Variants in KCNT1 observed in about 807,000 individuals in gnomAD.
The protein encoded by KCNT1 is potassium channel subfamily T member 1.
KCNT1 carries 78 observed loss-of-function variants against 147.8 expected under a neutral mutation model. The ratio of observed to expected loss-of-function variants is 0.53; its 90% confidence interval spans 0.44 to 0.64. The LOEUF (loss-of-function observed/expected upper bound fraction) is 0.64. Among genes scored for constraint, KCNT1 ranks in the 30% least tolerant of loss-of-function variants. The probability of loss-of-function intolerance (pLI) is 0.00; values close to 1 mark genes in which losing one functional copy is unlikely to be tolerated. For missense variants in KCNT1, 1,419 were observed against 1,750.3 expected (o/e 0.81, Z 3.38); for synonymous variants, 867 against 748.8 (o/e 1.16, Z -2.58).
At chr9:135,720,689 C>T (rs1564318827) in intron 2 of KCNT1, among the ~76,000 whole-genome samples, 3 of 152,202 alleles carry the variant, frequency 2.0e-5, no homozygotes, top group South Asian at 2.1e-4. Flanking sequence ...TCTCTGAAGG[C>T]CACTCTGGGA....
In KCNT1 at chr9:135,749,370, G is replaced by A. The variant is rs1588306506; in HGVS notation, c.255-728G>A. Reference sequence around the variant, plus strand: ...ACTGTGGTCTCTTCTCAGGACCGCCGGGGCCCGGTTGGAGGCCAGAGGGCT... The same window carrying A: ...ACTGTGGTCTCTTCTCAGGACCGCCAGGGCCCGGTTGGAGGCCAGAGGGCT... On this transcript the variant is annotated intron_variant, in intron 2 of 30. Coordinates refer to ENST00000371757, the MANE Select transcript of KCNT1 (RefSeq NM_020822.3). Among the ~76,000 whole-genome samples, 3 of 152,020 alleles carry A rather than the reference G, an allele frequency of 2.0e-5. No individual in the cohort carries two copies. The East Asian group carries it at 5.8e-4, about 30-fold the overall frequency.
At chr9:135,702,506 C>T (rs1835073941) in intron 1 of KCNT1, 138 bp downstream of exon 1, 2 of 709,434 alleles carry the variant, frequency 2.8e-6, no homozygotes, top group Admixed American at 2.4e-5. Flanking sequence ...CGCGAGTGCC[C>T]TCCCAACCAC....
chr9:135,765,653 G>A lies in KCNT1; in HGVS notation c.1230G>A (p.Thr410=), dbSNP rs778178642. The change falls in exon 13 of 31, where the codon ACG becomes ACA. Residue 410 remains threonine (T), a synonymous_variant. Transcript: ENST00000371757. ...QDYYVVILCP[T]EMDVQVRRVL... ...ATTACGTGGTCATCCTGTGCCCCAC[G>A]GAGATGGATGTCCAGGTGCGCAGAG... 6.2e-6 allele frequency: 10 copies of A among 1,610,942 alleles called. No individual in the cohort carries two copies. The highest frequency in any genetic ancestry group is 5.0e-5 in the Admixed American group (3 of 59,910).
chr9:135,740,080 GTCC>G lies in KCNT1; in HGVS notation c.255-10015_255-10013del, dbSNP rs1176873555. Among the ~76,000 whole-genome samples the G allele has an allele frequency of 7.2e-5, 11 of 152,208 alleles. No homozygotes were observed. In the East Asian group the frequency reaches 1.9e-3, roughly 27 times the overall value. On this transcript the variant is annotated intron_variant, in intron 2 of 30. Coordinates refer to ENST00000371757, the MANE Select transcript of KCNT1 (RefSeq NM_020822.3). ...TGGCCGTCCCGCTATGTGTGTCTGT[GTCC>G]TCATCTCTTCTTATAAGGACACCAG... is the stretch of plus-strand genomic sequence containing the variant.
chr9:135,743,872 G>A (rs1036834783), intron 2 of KCNT1, among the ~76,000 whole-genome samples: 1 of 152,268 alleles, frequency 6.6e-6, no homozygotes, highest in Non-Finnish European at 1.5e-5. Flanking sequence ...ACCCCAGGGG[G>A]ACGGAGACAT....
chr9:135,759,733 C>G lies in KCNT1; in HGVS notation c.909C>G (p.Thr303=). 1 of 1,613,494 alleles carries G rather than the reference C, an allele frequency of 6.2e-7. No individual in the cohort carries two copies. Among genetic ancestry groups the G allele is most frequent in the Non-Finnish European group, 8.5e-7 (1 of 1,179,798 alleles). The change falls in exon 11 of 31, where the codon ACC becomes ACG. Residue 303 remains threonine, a synonymous_variant. Transcript: ENST00000371757. Reference sequence around the variant, plus strand: ...CGGGCGAGAACCTGTCCCTCCTGACCTCCTTCTACTTCTGCATCGTCACCT... The same window carrying G: ...CGGGCGAGAACCTGTCCCTCCTGACGTCCTTCTACTTCTGCATCGTCACCT... ...ERAGENLSLL[T]SFYFCIVTFS...
At chr9:135,702,704 C>T (rs1310799308) in intron 1 of KCNT1, among the ~76,000 whole-genome samples, 2 of 152,022 alleles carry the variant, frequency 1.3e-5, no homozygotes, top group African/African-American at 2.4e-5. Flanking sequence ...CAGGGCCTTC[C>T]ATCTCCCCCA....
chr9:135,784,799 CG>C lies in KCNT1; in HGVS notation c.3068del (p.Gly1023AlafsTer42). 6.2e-7 allele frequency: 1 copy of C among 1,612,786 alleles called. No individual in the cohort carries two copies. Among genetic ancestry groups the C allele is most frequent in the Non-Finnish European group, 8.5e-7 (1 of 1,179,978 alleles). ...TEGDLWIRTY[G>X]RLFQKLCSSS... is the part of the protein sequence containing the mutation. ...AGGGCGACCTGTGGATCCGCACGTA[CG>C]GCCGCCTCTTCCAGAAGCTCTGCTC... On this transcript the variant is annotated frameshift_variant, in exon 27 of 31. Transcript: ENST00000371757. LOFTEE classifies it high-confidence loss of function.
At chr9:135,775,488 T>TC (rs1158050340) in intron 20 of KCNT1, 73 bp downstream of exon 20, 1 of 1,119,954 alleles carries the variant, frequency 8.9e-7, no homozygotes, top group Non-Finnish European at 1.3e-6. Flanking sequence ...TGCCCTGGTT[T>TC]CTCTTTGGTC....
At chr9:135,791,769 G>A (rs758452203) in intron 29 of KCNT1, 28 bp from the exon 30 acceptor site, 1 of 1,603,854 alleles carries the variant, frequency 6.2e-7, no homozygotes, top group Non-Finnish European at 8.5e-7. Flanking sequence ...CTGGGGGGGT[G>A]ACGTCTGCCC....
chr9:135,790,258 C>G (rs1432407159), intron 29 of KCNT1: 1 of 152,258 alleles, frequency 6.6e-6, no homozygotes, highest in African/African-American at 2.4e-5. Context: ...CCTGTGCCAC[C>G]TGCCATGCGG....
At chr9:135,774,834 G>A (rs1402023887) in intron 19 of KCNT1, among the ~76,000 whole-genome samples, 2 of 151,956 alleles carry the variant, frequency 1.3e-5, no homozygotes, top group African/African-American at 2.4e-5. Context: ...GGTGAGGGGT[G>A]AGCCCCACCG....
At chr9:135,784,249 C>CAGGG in intron 25 of KCNT1, 124 bp downstream of exon 25, 2 of 804,650 alleles carry the variant, frequency 2.5e-6, no homozygotes, top group Non-Finnish European at 4.1e-6. Flanking sequence ...CCCTGGATTC[C>CAGGG]AAGGAGACCT....
At chr9:135,771,119 A>C (rs1430421222) in intron 18 of KCNT1, 24 bp downstream of exon 18, 4 of 1,586,398 alleles carry the variant, frequency 2.5e-6, no homozygotes, top group African/African-American at 1.3e-5. Context: ...GGCGCGCGGG[A>C]CTCCCTGGGC....
rs574435775 is a variant in KCNT1 at position 135,739,445 on chromosome 9, G to A, written c.255-10653G>A. ...CAGGAGATGGTCCCCTGAGCCCCCCGACCCCGGACACCCTTGCCAGGACCT... is the reference window on the plus strand; with the variant it reads ...CAGGAGATGGTCCCCTGAGCCCCCCAACCCCGGACACCCTTGCCAGGACCT... On this transcript the variant is annotated intron_variant, in intron 2 of 30. Transcript: ENST00000371757. Among the ~76,000 whole-genome samples, 9 of 102,516 alleles carry A rather than the reference G, an allele frequency of 8.8e-5. No homozygotes were observed. The East Asian group carries it at 1.8e-3, about 20-fold the overall frequency. 67.3% of individuals were successfully genotyped at this position (102,516 alleles called of 152,430 possible).
In KCNT1 at chr9:135,714,876, G is replaced by A. The variant is rs531911824; in HGVS notation, c.254+156G>A. Reference sequence around the variant, plus strand: ...CTTCTGGGGACGCAGAAGTTTCGGAGGGGGTGCGGGCAGGGGGAAGCATCT... The same window carrying A: ...CTTCTGGGGACGCAGAAGTTTCGGAAGGGGTGCGGGCAGGGGGAAGCATCT... On this transcript the variant is annotated intron_variant, in intron 2 of 30. Transcript: ENST00000371757. The surrounding 1 kb of genome is among the most constrained non-coding windows in gnomAD (Gnocchi z 6.2). 6.6e-6 allele frequency among the ~76,000 whole-genome samples: 1 copy of A among 152,276 alleles called. No individual in the cohort carries two copies. Among genetic ancestry groups the A allele is most frequent in the African/African-American group, 2.4e-5 (1 of 41,578 alleles).
chr9:135,734,043 A>G (rs1408013404), intron 2 of KCNT1, among the ~76,000 whole-genome samples: 2 of 151,838 alleles, frequency 1.3e-5, no homozygotes, highest in Non-Finnish European at 2.9e-5. Flanking sequence ...TCCAGCCCGC[A>G]GTCCCACTCA....
At chr9:135,775,741 G>A (rs530593370) in intron 20 of KCNT1, among the ~76,000 whole-genome samples, 6 of 152,090 alleles carry the variant, frequency 3.9e-5, no homozygotes, top group Non-Finnish European at 7.4e-5. Context: ...GAACCATCTC[G>A]TAACTACAGC....
At chr9:135,765,490 C>T (rs1832201975) in intron 12 of KCNT1, 134 bp from the exon 13 acceptor site, 1 of 1,061,782 alleles carries the variant, frequency 9.4e-7, no homozygotes, top group Admixed American at 2.9e-5. Flanking sequence ...CCCTCTTTTC[C>T]CTCCCACCAG....
Sources: gnomAD v4.1 joint callset for allele counts (sites outside exome capture counted in the v4.1 genomes callset) on GRCh38, gnomAD v4.1.1 for gene constraint, Gnocchi (gnomAD v3.1) non-coding constraint, MANE v1.5 for transcripts, NCBI Gene and HGNC (gene_info 2026-07-23, HGNC 2026-07-21) for gene names.